Variants in CPED1 observed in about 807,000 individuals in gnomAD.
CPED1 encodes cadherin-like and PC-esterase domain-containing protein 1.
Under a neutral mutation model 128.2 loss-of-function variants are expected in CPED1, and 114 were observed. The ratio of observed to expected loss-of-function variants is 0.89; its 90% CI spans 0.76 to 1.04. The LOEUF is 1.04. Among genes scored for constraint, CPED1 ranks in the 50% least tolerant of loss-of-function variants. The pLI is 0.00. For synonymous variants in CPED1, 462 were observed against 426.7 expected, an observed-to-expected ratio of 1.08 and a Z score of -1.02; for missense variants, 1,211 against 1,207.1, an observed-to-expected ratio of 1.00 and a Z score of -0.05.
At chr7:121,202,757 TA>T (rs1308463617) in intron 16 of CPED1, among the ~76,000 whole-genome samples, 2 of 152,076 alleles carry the variant, frequency 1.3e-5, no homozygotes, top group Non-Finnish European at 2.9e-5. Context: ...ATTTGTTGAG[TA>T]AATTAATAGA....
intron 16 of CPED1, among the ~76,000 whole-genome samples, chr7:121,219,293 C>T (rs1007300607): frequency 2.0e-5 from 3 of 151,928 alleles, no homozygotes; most frequent in Non-Finnish European, 2.9e-5. Flanking sequence ...CTAGATTTTC[C>T]AGTCGAAATC....
At chr7:121,116,810 G>A (rs1795245042) in intron 7 of CPED1, among the ~76,000 whole-genome samples, 1 of 151,768 alleles carries the variant, frequency 6.6e-6, no homozygotes. Flanking sequence ...TCTATAAAAT[G>A]AGAATGATGA....
At chr7:121,071,069 C>T (rs1200066347) in intron 5 of CPED1, among the ~76,000 whole-genome samples, 1 of 152,118 alleles carries the variant, frequency 6.6e-6, no homozygotes, top group Non-Finnish European at 1.5e-5. Context: ...GCCAGATAAC[C>T]TGCACCTTTT....
chr7:121,166,428 A>G (rs921822097), intron 16 of CPED1, among the ~76,000 whole-genome samples: 1 of 152,164 alleles, frequency 6.6e-6, no homozygotes, highest in Non-Finnish European at 1.5e-5. Context: ...CATATATTAT[A>G]TTTACTTATA....
chr7:121,102,606 T>C (rs1430551037), intron 7 of CPED1, among the ~76,000 whole-genome samples: 1 of 152,130 alleles, frequency 6.6e-6, no homozygotes, highest in East Asian at 1.9e-4. Context: ...GAATGCCACA[T>C]GTGACCAGTA....
At chr7:121,076,224 G>A (rs1213584340) in intron 5 of CPED1, among the ~76,000 whole-genome samples, 1 of 152,140 alleles carries the variant, frequency 6.6e-6, no homozygotes, top group African/African-American at 2.4e-5. Context: ...TCGATATTGA[G>A]CTGATGCTAT....
intron 2 of CPED1, among the ~76,000 whole-genome samples, chr7:120,999,181 C>A (rs1289873256): frequency 6.6e-6 from 1 of 152,142 alleles, no homozygotes; most frequent in Non-Finnish European, 1.5e-5. Flanking sequence ...TCTTGCTGAA[C>A]TCAAAAGTCC....
chr7:121,218,305 A>G (rs2116614347), intron 16 of CPED1, among the ~76,000 whole-genome samples: 1 of 152,008 alleles, frequency 6.6e-6, no homozygotes, highest in Middle Eastern at 3.4e-3. Flanking sequence ...ACACCCACCT[A>G]ATAATTGTAG....
Position 121,244,362 on chromosome 7 carries a change from A to C in CPED1, c.2310+24A>C, listed in dbSNP as rs1348541943. ...AGGTAGGTTCTGGATCTAGTGGGGG[A>C]AGCCTTTAATGTATGCCACCTGAAG... On this transcript the variant is annotated intron_variant, in intron 18 of 22. Coordinates refer to ENST00000310396, the MANE Select transcript of CPED1 (RefSeq NM_024913.5). 7 of 1,613,592 alleles carry C rather than the reference A, an allele frequency of 4.3e-6. No individual in the cohort carries two copies. The South Asian group carries it at 7.7e-5, about 18-fold the overall frequency.
intron 5 of CPED1, among the ~76,000 whole-genome samples, chr7:121,066,093 A>G (rs1214004991): frequency 6.6e-6 from 1 of 152,154 alleles, no homozygotes; most frequent in Non-Finnish European, 1.5e-5. Flanking sequence ...AATATTGAAT[A>G]CAGATTAGGT....
intron 16 of CPED1, among the ~76,000 whole-genome samples, chr7:121,206,790 A>T (rs1797528029): frequency 6.6e-6 from 1 of 151,964 alleles, no homozygotes; most frequent in Non-Finnish European, 1.5e-5. Flanking sequence ...CAAATTACTC[A>T]TAATCCCACC....
chr7:121,112,423 C>T (rs111757019), intron 7 of CPED1, among the ~76,000 whole-genome samples: 51 of 152,196 alleles, frequency 3.4e-4, no homozygotes, highest in African/African-American at 1.1e-3. Flanking sequence ...CACATCTTCA[C>T]TCATGTGAAG....
chr7:121,201,623 C>A (rs1258251899), intron 16 of CPED1, among the ~76,000 whole-genome samples: 1 of 152,086 alleles, frequency 6.6e-6, no homozygotes, highest in African/African-American at 2.4e-5. Flanking sequence ...TTTCTCACAC[C>A]TAGGTAGGGA....
chr7:121,018,311 A>G (rs1792356238), intron 3 of CPED1, among the ~76,000 whole-genome samples: 1 of 152,138 alleles, frequency 6.6e-6, no homozygotes, highest in Admixed American at 6.6e-5. Flanking sequence ...TGTGATTCTT[A>G]CAGAATTTGT....
At chr7:121,207,791 A>G (rs899569411) in intron 16 of CPED1, among the ~76,000 whole-genome samples, 6 of 152,040 alleles carry the variant, frequency 3.9e-5, no homozygotes, top group African/African-American at 1.4e-4. Context: ...AGCAAAGAGA[A>G]CACAAATTCC....
chr7:121,281,412 C>T (rs1792459994), intron 22 of CPED1, among the ~76,000 whole-genome samples: 1 of 152,112 alleles, frequency 6.6e-6, no homozygotes, highest in Non-Finnish European at 1.5e-5. Flanking sequence ...TTTGGGAAGT[C>T]TTATAATTCC....
At chr7:121,183,956 A>G (rs1339916254) in intron 16 of CPED1, among the ~76,000 whole-genome samples, 1 of 152,088 alleles carries the variant, frequency 6.6e-6, no homozygotes, top group East Asian at 1.9e-4. Context: ...CCTGGCCAAC[A>G]TAGTGAAACC....
chr7:121,014,170 C>A (rs531767002), intron 2 of CPED1, among the ~76,000 whole-genome samples: 48 of 152,158 alleles, frequency 3.2e-4, no homozygotes, highest in African/African-American at 1.1e-3. Context: ...GGTTGTGGGT[C>A]AGGGATAAAG....
chr7:121,205,376 G>C (rs760136568), intron 16 of CPED1, among the ~76,000 whole-genome samples: 2 of 151,884 alleles, frequency 1.3e-5, no homozygotes, highest in African/African-American at 2.4e-5. Flanking sequence ...CACCCTATAA[G>C]TAATTCTGAG....
Sources: allele counts gnomAD v4.1 joint callset (sites outside exome capture counted in the v4.1 genomes callset), GRCh38; gene constraint gnomAD v4.1.1; transcripts MANE v1.5; gene names NCBI Gene and HGNC (gene_info 2026-07-23, HGNC 2026-07-21).